The following ANKS1B variants were observed in gnomAD, a reference collection of about 807,000 sequenced individuals.
The protein encoded by ANKS1B is ankyrin repeat and sterile alpha motif domain-containing protein 1B.
Under a neutral mutation model 148.3 loss-of-function variants are expected in ANKS1B, and 36 were observed. The ratio of observed to expected loss-of-function variants is 0.24; its 90% CI spans 0.19 to 0.32. ANKS1B has a LOEUF of 0.32. Ranked by LOEUF, ANKS1B falls within the 10% of genes least tolerant of loss-of-function variation. The pLI, the probability that ANKS1B is intolerant of heterozygous loss-of-function variation, is 1.00. For missense variants in ANKS1B, 1,157 were observed against 1,542.6 expected, an observed-to-expected ratio of 0.75 and a Z score of 4.19; for synonymous variants, 542 against 560.8, an observed-to-expected ratio of 0.97 and a Z score of 0.47.
chr12:99,622,634 C>G (rs982087760), intron 9 of ANKS1B, among the ~76,000 whole-genome samples: 1 of 151,806 alleles, frequency 6.6e-6, no homozygotes, highest in African/African-American at 2.4e-5. Context: ...TGCACATAAA[C>G]TAGAAAATCT....
intron 11 of ANKS1B, among the ~76,000 whole-genome samples, chr12:99,408,104 C>T (rs1014660119): frequency 1.4e-5 from 2 of 145,846 alleles, no homozygotes; most frequent in Admixed American, 1.4e-4. Flanking sequence ...AGTTATACTA[C>T]CAAGCTATAG....
chr12:99,085,313 G>A lies in ANKS1B; in HGVS notation c.2527-290C>T, dbSNP rs546292836. ...ACTTAAAACTTTGTTTCTGCACATT[G>A]TGCACATGTACCCTAAAACTTAAAG... On this transcript the variant is annotated intron_variant, in intron 15 of 26. Coordinates refer to ENST00000683438, the MANE Select transcript of ANKS1B (RefSeq NM_001352186.2). 8.9e-4 allele frequency among the ~76,000 whole-genome samples: 135 copies of A among 151,426 alleles called. 1 individual carries two copies. Among genetic ancestry groups the A allele is most frequent in the African/African-American group, 3.2e-3 (130 of 41,214 alleles).
chr12:99,354,045 GCT>G (rs907817097), intron 12 of ANKS1B, among the ~76,000 whole-genome samples: 3 of 152,104 alleles, frequency 2.0e-5, no homozygotes, highest in African/African-American at 7.2e-5. Context: ...GTTCTCTCCT[GCT>G]TCATGCAAGA....
At chr12:99,322,911 C>T (rs546730549) in intron 12 of ANKS1B, among the ~76,000 whole-genome samples, 60 of 152,134 alleles carry the variant, frequency 3.9e-4, no homozygotes, top group African/African-American at 1.3e-3. Context: ...TTGCTTGGTT[C>T]TTATTCTCTC....
At chr12:99,088,646 G>A (rs909763989) in intron 15 of ANKS1B, among the ~76,000 whole-genome samples, 24 of 151,754 alleles carry the variant, frequency 1.6e-4, no homozygotes, top group African/African-American at 4.1e-4. Flanking sequence ...GTAGTAGTAC[G>A]GATTCTTATA....
intron 9 of ANKS1B, among the ~76,000 whole-genome samples, chr12:99,601,408 AAC>A (rs1491025039): frequency 6.6e-6 from 1 of 152,084 alleles, no homozygotes; most frequent in Non-Finnish European, 1.5e-5. Context: ...CCTGGAAAAA[AAC>A]AGATGACATT....
In ANKS1B at chr12:99,333,854, G is replaced by GTTTTTTTT. The variant is rs10526476; in HGVS notation, c.1756+65769_1756+65776dup. ...ATCAAAGTCACATTTCCAGTTCTCA[G>GTTTTTTTT]TTTTTTTTTTTTTTTTTTTTTAACA... is the stretch of plus-strand genomic sequence containing the variant. On this transcript the variant is annotated intron_variant, in intron 12 of 26. Coordinates refer to ENST00000683438, the MANE Select transcript of ANKS1B (RefSeq NM_001352186.2). Among the ~76,000 whole-genome samples, 454 of 107,424 alleles carry GTTTTTTTT rather than the reference G, an allele frequency of 4.2e-3. 38 individuals carry two copies. Among genetic ancestry groups the GTTTTTTTT allele is most frequent in the African/African-American group, 0.017 (423 of 25,078 alleles). 70.5% of individuals were successfully genotyped at this position (107,424 alleles called of 152,430 possible).
Position 98,736,668 on chromosome 12 carries a change from G to A in ANKS1B, c.691-1034C>T, listed in dbSNP as rs1424745888. ...GTGGGTGTAGATAGAAAAGACAGGG[G>A]GCCCCAAGACTGAGTCCAGGGCAGT... On this transcript the variant is annotated intron_variant, in intron 9 of 9. Coordinates refer to the ANKS1B transcript ENST00000341752. Among the ~76,000 whole-genome samples the A allele has an allele frequency of 2.0e-5, 3 of 152,086 alleles. No homozygotes were observed. In the East Asian group the frequency reaches 5.8e-4, roughly 29 times the overall value.
chr12:99,675,581 T>A (rs1259146540), intron 8 of ANKS1B, among the ~76,000 whole-genome samples: 1 of 151,932 alleles, frequency 6.6e-6, no homozygotes, highest in African/African-American at 2.4e-5. Flanking sequence ...TTTTGCAAAC[T>A]TTCAATGATC....
chr12:99,250,813 C>A (rs910435374), intron 12 of ANKS1B, among the ~76,000 whole-genome samples: 41 of 152,304 alleles, frequency 2.7e-4, no homozygotes, highest in Middle Eastern at 3.4e-3. Context: ...CCTAAAAGTG[C>A]TGTGAAGATT....
At chr12:99,162,456 G>T (rs2076754147) in intron 14 of ANKS1B, among the ~76,000 whole-genome samples, 6 of 151,822 alleles carry the variant, frequency 4.0e-5, no homozygotes, top group Admixed American at 3.9e-4. Flanking sequence ...TAAAACATTG[G>T]GGTTGTTTAA....
intron 10 of ANKS1B, among the ~76,000 whole-genome samples, chr12:99,467,432 T>C (rs902982876): frequency 3.3e-5 from 5 of 152,178 alleles, no homozygotes; most frequent in African/African-American, 1.2e-4. Context: ...TTGGAAGTTC[T>C]GGCCAGGGCA....
At chr12:99,561,321 T>G (rs1217013888) in intron 9 of ANKS1B, among the ~76,000 whole-genome samples, 4 of 152,146 alleles carry the variant, frequency 2.6e-5, no homozygotes, top group African/African-American at 9.7e-5. Context: ...TCAACTAAGT[T>G]TCTGTAATAT....
intron 14 of ANKS1B, among the ~76,000 whole-genome samples, chr12:99,208,962 T>C (rs765978503): frequency 2.0e-5 from 3 of 152,210 alleles, no homozygotes; most frequent in Non-Finnish European, 4.4e-5. Context: ...TTGTGAGGAT[T>C]CTTGTTTTTA....
chr12:98,949,347 G>A (rs1245018877), intron 17 of ANKS1B, among the ~76,000 whole-genome samples: 3 of 152,154 alleles, frequency 2.0e-5, no homozygotes, highest in Non-Finnish European at 2.9e-5. Context: ...GGCCTATGCA[G>A]CTGCCTCCAT....
chr12:98,769,848 A>C (rs145636014), intron 25 of ANKS1B, among the ~76,000 whole-genome samples: 37 of 152,242 alleles, frequency 2.4e-4, no homozygotes, highest in African/African-American at 8.0e-4. Context: ...CAGAATATTC[A>C]TGTTGATGTT....
chr12:99,578,373 G>C (rs966385574), intron 9 of ANKS1B, among the ~76,000 whole-genome samples: 4 of 152,038 alleles, frequency 2.6e-5, no homozygotes, highest in African/African-American at 9.7e-5. Context: ...TCAGGCAAGA[G>C]AAAGAAATAA....
chr12:98,857,090 G>A (rs1420224329), intron 17 of ANKS1B, among the ~76,000 whole-genome samples: 1 of 152,094 alleles, frequency 6.6e-6, no homozygotes, highest in Non-Finnish European at 1.5e-5. Context: ...TTAGTCACAG[G>A]GGAAGCACAC....
intron 15 of ANKS1B, among the ~76,000 whole-genome samples, chr12:99,148,271 G>A (rs2073835538): frequency 6.6e-6 from 1 of 152,094 alleles, no homozygotes; most frequent in Non-Finnish European, 1.5e-5. Context: ...CTATTCATGT[G>A]AGCATTAGTT....
Sources: gnomAD v4.1 joint callset for allele counts (sites outside exome capture counted in the v4.1 genomes callset) on GRCh38, gnomAD v4.1.1 for gene constraint, MANE v1.5 for transcripts, NCBI Gene and HGNC (gene_info 2026-07-23, HGNC 2026-07-21) for gene names.